Variants in GRIA4 observed in about 807,000 individuals in gnomAD.
GRIA4 encodes glutamate receptor 4.
In GRIA4, 34 loss-of-function variants were observed where a neutral mutation model predicts 104.0. That is an observed-to-expected ratio of 0.33 (90% CI 0.25 to 0.44). The LOEUF (loss-of-function observed/expected upper bound fraction) is 0.44. Ranked by LOEUF, GRIA4 falls within the 20% of genes least tolerant of loss-of-function variation. The probability of loss-of-function intolerance (pLI) is 1.00; values close to 1 mark genes in which losing one functional copy is unlikely to be tolerated. For missense variants in GRIA4, 750 were observed against 1,096.5 expected (o/e 0.68, Z 4.46); for synonymous variants, 386 against 381.9 (o/e 1.01, Z -0.13).
intron 4 of GRIA4, among the ~76,000 whole-genome samples, chr11:105,861,325 C>A (rs1003166896): frequency 9.2e-5 from 14 of 152,142 alleles, no homozygotes; most frequent in African/African-American, 3.4e-4. Context: ...TTGGGCCAAG[C>A]CTTTACCTTG....
At position 105,898,333 on chromosome 11, in the gene GRIA4, T is replaced by A; in HGVS notation, c.791T>A (p.Leu264Ter). ...HGGANVTGFQ[L>*]VDFNTPMVIK... ...GGAGCCAATGTTACTGGATTCCAGT[T>A]GGTGGATTTTAATACACCTATGGTA... is the stretch of plus-strand genomic sequence containing the variant. The change falls in exon 7 of 17, where the codon TTG becomes TAG. Residue 264 changes from leucine (L) to a stop codon, truncating the protein, a stop_gained. Transcript: ENST00000282499. LOFTEE classifies it high-confidence loss of function. The A allele has an allele frequency of 1.3e-6, 2 of 1,572,342 alleles. No homozygotes were observed. The highest frequency in any genetic ancestry group is 1.8e-6 in the Non-Finnish European group (2 of 1,142,086).
chr11:105,911,850 C>T (rs756052817), intron 10 of GRIA4: 2 of 1,375,372 alleles, frequency 1.5e-6, no homozygotes, highest in African/African-American at 1.6e-5. Flanking sequence ...GAAAGTCATA[C>T]TTCAGTACAG....
At chr11:105,791,091 T>C (rs938447888) in intron 4 of GRIA4, among the ~76,000 whole-genome samples, 1 of 152,150 alleles carries the variant, frequency 6.6e-6, no homozygotes, top group African/African-American at 2.4e-5. Flanking sequence ...CCAGCACAGA[T>C]GGCCTTCTTG....
rs150923757 is a variant in GRIA4, at chr11:105,702,690, C to CTTTTTTTTTTTTTTTTTTTTTTTTTT, written c.248-50288_248-50287insTTTTTTTTTTTTTTTTTTTTTTTTTT. Reference sequence around the variant, plus strand: ...TTATAAGATATGCAAAATTATTTTCCTTTCTTTTTTTTTTTTTTTTTTTTG... The same window carrying CTTTTTTTTTTTTTTTTTTTTTTTTTT: ...TTATAAGATATGCAAAATTATTTTCCTTTTTTTTTTTTTTTTTTTTTTTTTTTTTCTTTTTTTTTTTTTTTTTTTTG... On this transcript the variant is annotated intron_variant, in intron 3 of 16. Coordinates refer to ENST00000282499, the MANE Select transcript of GRIA4 (RefSeq NM_000829.4). 3.1e-5 allele frequency among the ~76,000 whole-genome samples: 3 copies of CTTTTTTTTTTTTTTTTTTTTTTTTTT among 96,074 alleles called. 1 individual carries two copies. The highest frequency in any genetic ancestry group is 4.1e-5 in the African/African-American group (1 of 24,354). 63.0% of individuals were successfully genotyped at this position (96,074 alleles called of 152,430 possible).
At chr11:105,966,193 G>T in intron 14 of GRIA4, 1 of 627,562 alleles carries the variant, frequency 1.6e-6, no homozygotes, top group South Asian at 2.0e-5. Context: ...ACTTACGTAT[G>T]CAGTTACTGT....
intron 3 of GRIA4, among the ~76,000 whole-genome samples, chr11:105,620,024 T>C (rs1367584715): frequency 6.6e-6 from 1 of 151,888 alleles, no homozygotes; most frequent in Non-Finnish European, 1.5e-5. Flanking sequence ...ATTTATTCTC[T>C]TACTATCCAA....
chr11:105,900,163 C>T (rs994476668), intron 7 of GRIA4, among the ~76,000 whole-genome samples: 3 of 152,002 alleles, frequency 2.0e-5, no homozygotes, highest in Non-Finnish European at 2.9e-5. Flanking sequence ...CCACAAGTAT[C>T]GATTTAAGAG....
At chr11:105,953,075 A>G (rs1948494547) in intron 14 of GRIA4, among the ~76,000 whole-genome samples, 1 of 152,254 alleles carries the variant, frequency 6.6e-6, no homozygotes, top group South Asian at 2.1e-4. Flanking sequence ...TGGGAAGAAA[A>G]GTAATAACAC....
intron 3 of GRIA4, among the ~76,000 whole-genome samples, chr11:105,744,840 T>C (rs1037673267): frequency 2.0e-4 from 30 of 152,210 alleles, no homozygotes; most frequent in Non-Finnish European, 3.2e-4. Context: ...AGGCCCAGTG[T>C]AACCACATGT....
intron 4 of GRIA4, among the ~76,000 whole-genome samples, chr11:105,789,852 C>T (rs1236725935): frequency 6.6e-6 from 1 of 152,046 alleles, no homozygotes; most frequent in Non-Finnish European, 1.5e-5. Context: ...TCAAAAGAAG[C>T]AGCACCAAAA....
intron 14 of GRIA4, chr11:105,966,157 G>A (rs538025652): frequency 7.4e-6 from 6 of 808,502 alleles, no homozygotes; most frequent in South Asian, 3.1e-5. Context: ...AATACCAGTC[G>A]AATTGCTAGT....
intron 2 of GRIA4, 114 bp downstream of exon 2, chr11:105,611,199 C>T: frequency 1.3e-6 from 1 of 741,492 alleles, no homozygotes. Context: ...TTCCCTTCCC[C>T]TCTGTTTCCC....
At chr11:105,647,170 T>C (rs905475809) in intron 3 of GRIA4, among the ~76,000 whole-genome samples, 8 of 152,114 alleles carry the variant, frequency 5.3e-5, no homozygotes, top group Admixed American at 2.0e-4. Context: ...AAGACATCCA[T>C]GCAGCCCATA....
At chr11:105,878,782 G>A (rs914973917) in intron 5 of GRIA4, among the ~76,000 whole-genome samples, 5 of 152,218 alleles carry the variant, frequency 3.3e-5, no homozygotes, top group Admixed American at 6.5e-5. Context: ...AGACTGCTGT[G>A]CTGGCAGCGA....
chr11:105,702,256 C>T (rs1027205576), intron 3 of GRIA4, among the ~76,000 whole-genome samples: 1 of 152,134 alleles, frequency 6.6e-6, no homozygotes, highest in African/African-American at 2.4e-5. Flanking sequence ...TCTCTATCTA[C>T]ACTTTCAATG....
intron 4 of GRIA4, among the ~76,000 whole-genome samples, chr11:105,762,600 C>T (rs1940716504): frequency 6.6e-6 from 1 of 152,126 alleles, no homozygotes; most frequent in South Asian, 2.1e-4. Context: ...CCAATTCTCA[C>T]CTTGAATTTT....
intron 10 of GRIA4, chr11:105,911,840 GA>G: frequency 9.1e-7 from 1 of 1,099,722 alleles, no homozygotes; most frequent in Non-Finnish European, 1.2e-6. Context: ...CACAGTAATG[GA>G]AAGTCATACT....
intron 10 of GRIA4, chr11:105,913,084 G>C (rs1947303321): frequency 2.4e-6 from 2 of 822,912 alleles, no homozygotes; most frequent in Non-Finnish European, 2.9e-6. Flanking sequence ...ATATGCTATT[G>C]CTAAATAAAA....
intron 13 of GRIA4, among the ~76,000 whole-genome samples, chr11:105,930,653 A>G (rs1289055983): frequency 6.6e-6 from 1 of 152,174 alleles, no homozygotes; most frequent in Non-Finnish European, 1.5e-5. Context: ...AGTGATCTCT[A>G]TAAATACCAA....
Sources: gnomAD v4.1 joint callset for allele counts (sites outside exome capture counted in the v4.1 genomes callset) on GRCh38, gnomAD v4.1.1 for gene constraint, MANE v1.5 for transcripts, NCBI Gene and HGNC (gene_info 2026-07-23, HGNC 2026-07-21) for gene names.